Variants in DCLRE1C observed in about 807,000 individuals in gnomAD.
The protein encoded by DCLRE1C is protein artemis.
DCLRE1C carries 47 observed loss-of-function variants against 61.4 expected under a neutral mutation model. The ratio of observed to expected loss-of-function variants is 0.77; its 90% CI spans 0.61 to 0.98. The LOEUF is 0.98. Ranked by LOEUF, DCLRE1C falls within the 50% of genes least tolerant of loss-of-function variation. DCLRE1C has a pLI of 0.00. For missense variants in DCLRE1C, 858 were observed against 816.0 expected (o/e 1.05, Z -0.63); for synonymous variants, 337 against 287.6 (o/e 1.17, Z -1.74).
intron 2 of DCLRE1C, among the ~76,000 whole-genome samples, chr10:14,947,306 G>A (rs1385207189): frequency 6.6e-6 from 1 of 152,114 alleles, no homozygotes; most frequent in Non-Finnish European, 1.5e-5. Flanking sequence ...TATCAGACAT[G>A]GATAAGGGAG....
chr10:14,954,055 A>G lies in DCLRE1C; in HGVS notation c.-45T>C, dbSNP rs535919577. Reference sequence around the variant, plus strand: ...TCCGGGACCCCAAAACCGCAGCTGAAGCCAAGGCCAGCCCTGACCGCGCCG... The same window carrying G: ...TCCGGGACCCCAAAACCGCAGCTGAGGCCAAGGCCAGCCCTGACCGCGCCG... On this transcript the variant is annotated 5_prime_UTR_variant, in exon 1 of 14. Transcript: ENST00000378278. 2 of 1,611,050 alleles carry G rather than the reference A, an allele frequency of 1.2e-6. No individual in the cohort carries two copies. Among genetic ancestry groups the G allele is most frequent in the South Asian group, 2.2e-5 (2 of 91,026 alleles).
intron 3 of DCLRE1C, among the ~76,000 whole-genome samples, chr10:14,940,166 C>G (rs184059998): frequency 6.6e-6 from 1 of 152,304 alleles, no homozygotes; most frequent in African/African-American, 2.4e-5. Context: ...CCCTACCACT[C>G]CCATTCCCCT....
chr10:14,918,746 T>G (rs1016723931), intron 13 of DCLRE1C, among the ~76,000 whole-genome samples: 8 of 152,210 alleles, frequency 5.3e-5, no homozygotes, highest in Non-Finnish European at 8.8e-5. Context: ...TTTTAATTAT[T>G]GAAACAAAAA....
At chr10:14,902,312 C>A, downstream of DCLRE1C, 10 of 773,270 alleles carry the variant, frequency 1.3e-5, no homozygotes, top group Non-Finnish European at 1.6e-5. Context: ...TACCCTCTAT[C>A]ACTGATAATA....
In DCLRE1C at chr10:14,954,047, G is replaced by A. The variant is rs763511448; in HGVS notation, c.-37C>T. ...TCCCAGAGTCCGGGACCCCAAAACC[G>A]CAGCTGAAGCCAAGGCCAGCCCTGA... On this transcript the variant is annotated 5_prime_UTR_variant, in exon 1 of 14. Coordinates refer to ENST00000378278, the MANE Select transcript of DCLRE1C (RefSeq NM_001033855.3). 1.2e-6 allele frequency: 2 copies of A among 1,612,832 alleles called. No homozygotes were observed. The highest frequency in any genetic ancestry group is 1.7e-6 in the Non-Finnish European group (2 of 1,179,732).
intron 7 of DCLRE1C, 84 bp downstream of exon 7, chr10:14,934,619 G>C (rs1248639778): frequency 6.2e-7 from 1 of 1,611,124 alleles, no homozygotes; most frequent in African/African-American, 1.3e-5. Context: ...GGGACAGTTA[G>C]GATATGACCT....
intron 12 of DCLRE1C, among the ~76,000 whole-genome samples, chr10:14,921,769 C>T (rs919337160): frequency 1.3e-5 from 2 of 152,178 alleles, no homozygotes; most frequent in Admixed American, 1.3e-4. Flanking sequence ...TCCTTCACTT[C>T]TACCTTGAAT....
At chr10:14,929,299 G>A (rs35225035) in intron 9 of DCLRE1C, among the ~76,000 whole-genome samples, 24,521 of 152,066 alleles carry the variant, frequency 0.16, 2,035 homozygotes, top group Middle Eastern at 0.2. Flanking sequence ...AGCTACTTGG[G>A]AGGCTGAGGC....
chr10:14,952,115 A>G (rs536078431), intron 1 of DCLRE1C, among the ~76,000 whole-genome samples: 184 of 152,220 alleles, frequency 1.2e-3, no homozygotes, highest in Non-Finnish European at 1.9e-3. Flanking sequence ...GATGATTTCA[A>G]ATTCCTTTAG....
intron 3 of DCLRE1C, among the ~76,000 whole-genome samples, chr10:14,944,673 C>CTTTTTT (rs1165126470): frequency 8.5e-6 from 1 of 117,722 alleles, no homozygotes; most frequent in African/African-American, 3.2e-5. Context: ...TTTTTTTTTT[C>CTTTTTT]TTTTTTTTTT....
downstream of DCLRE1C, chr10:14,902,433 T>C (rs747652008): frequency 3.3e-5 from 53 of 1,611,072 alleles, no homozygotes; most frequent in South Asian, 5.2e-4. Context: ...TCAGATTCTA[T>C]TGACCACAGC....
intron 13 of DCLRE1C, among the ~76,000 whole-genome samples, chr10:14,910,514 T>C (rs1379039707): frequency 1.3e-5 from 2 of 152,200 alleles, no homozygotes; most frequent in African/African-American, 4.8e-5. Flanking sequence ...AGGTTGGTTT[T>C]GAACTCCTGC....
At chr10:14,937,023 C>T (rs943379925) in intron 4 of DCLRE1C, among the ~76,000 whole-genome samples, 3 of 152,122 alleles carry the variant, frequency 2.0e-5, no homozygotes, top group Admixed American at 6.6e-5. Flanking sequence ...TTGAAAACAT[C>T]CTCAGTGAAA....
At chr10:14,933,569 A>G (rs530404962) in intron 8 of DCLRE1C, among the ~76,000 whole-genome samples, 31 of 152,072 alleles carry the variant, frequency 2.0e-4, no homozygotes, top group Admixed American at 1.4e-3. Flanking sequence ...CCCAGGAGGC[A>G]GAGGTTGCAG....
chr10:14,918,035 G>A (rs1192471004), intron 13 of DCLRE1C, among the ~76,000 whole-genome samples: 1 of 152,196 alleles, frequency 6.6e-6, no homozygotes, highest in East Asian at 1.9e-4. Flanking sequence ...ACGATGTGGA[G>A]CAACTGAACT....
At chr10:14,917,124 A>T (rs1007408630) in intron 13 of DCLRE1C, among the ~76,000 whole-genome samples, 1 of 152,246 alleles carries the variant, frequency 6.6e-6, no homozygotes. Context: ...TCTCAAGAAA[A>T]GTGCTAAAGC....
Position 14,945,486 on chromosome 10 carries a change from C to T in DCLRE1C, c.162-297G>A, listed in dbSNP as rs984691849. The stretch of plus-strand genomic sequence containing the variant: ...AGAGCACAAGGTGGGGGTGGAAACA[C>T]GGTGTCCCTGGACCTCCTCCAACAG... On this transcript the variant is annotated intron_variant, in intron 2 of 13. Transcript: ENST00000378278. The T allele has an allele frequency of 3.5e-5, 41 of 1,161,650 alleles. No individual in the cohort carries two copies. The Middle Eastern group carries it at 1.1e-3, about 32-fold the overall frequency. The allele number at this position is 1,161,650 out of a possible 1,614,324, so 72.0% of individuals were successfully genotyped here. A position where few individuals can be genotyped will look rare whatever the true frequency, so the allele number is the denominator to read the frequency against.
chr10:14,928,344 C>A (rs1838376359), intron 9 of DCLRE1C, among the ~76,000 whole-genome samples, 192 bp from the exon 10 acceptor site: 1 of 151,926 alleles, frequency 6.6e-6, no homozygotes, highest in South Asian at 2.1e-4. Flanking sequence ...TGCAAAACAA[C>A]TGGGCTGGAC....
rs567762544 is a variant in DCLRE1C, at chr10:14,910,466, A to C, written c.1157-1136T>G. Among the ~76,000 whole-genome samples the C allele has an allele frequency of 2.6e-5, 4 of 152,266 alleles. No homozygotes were observed. The East Asian group carries it at 5.8e-4, about 22-fold the overall frequency. The stretch of plus-strand genomic sequence containing the variant: ...GCTCAGGAGATCCACCCCCATGCCC[A>C]GCTAATTTTTTTTAGACAGTGTTTC... On this transcript the variant is annotated intron_variant, in intron 13 of 13. Coordinates refer to ENST00000378278, the MANE Select transcript of DCLRE1C (RefSeq NM_001033855.3).
Sources: gnomAD v4.1 joint callset for allele counts (sites outside exome capture counted in the v4.1 genomes callset) on GRCh38, gnomAD v4.1.1 for gene constraint, MANE v1.5 for transcripts, NCBI Gene and HGNC (gene_info 2026-07-23, HGNC 2026-07-21) for gene names.